Variants in TMEM128 observed in about 807,000 individuals in gnomAD.
The protein encoded by TMEM128 is transmembrane protein 128.
In TMEM128, 16 loss-of-function variants were observed where a neutral mutation model predicts 19.7. That is an observed-to-expected ratio of 0.81 (90% CI 0.55 to 1.23). The LOEUF is 1.23. TMEM128 is among the 50% of genes most tolerant of loss of function. The pLI, the probability that TMEM128 is intolerant of heterozygous loss-of-function variation, is 0.00. For synonymous variants in TMEM128, 98 were observed against 75.8 expected (o/e 1.29, Z -1.52); for missense variants, 237 against 200.8 (o/e 1.18, Z -1.09).
chr4:4,247,949 C>G, intron 1 of TMEM128, 157 bp downstream of exon 1: 1 of 1,435,924 alleles, frequency 7.0e-7, no homozygotes, highest in Non-Finnish European at 9.1e-7. Flanking sequence ...TGACGATGCA[C>G]AGCACTCCGC....
intron 2 of TMEM128, among the ~76,000 whole-genome samples, chr4:4,242,300 TG>T (rs77550663): frequency 0.31 from 46,255 of 150,906 alleles, 7,890 homozygotes; most frequent in East Asian, 0.46. Flanking sequence ...GCAATCTCAC[TG>T]GGGGGAGTAT....
intron 2 of TMEM128, among the ~76,000 whole-genome samples, chr4:4,244,001 C>A (rs1360735025): frequency 6.6e-6 from 1 of 152,196 alleles, no homozygotes; most frequent in African/African-American, 2.4e-5. Flanking sequence ...ATACCCTGCG[C>A]CTACACTTAC....
Position 4,246,321 on chromosome 4 carries a change from T to C in TMEM128, c.120A>G (p.Lys40=). The C allele has an allele frequency of 6.2e-7, 1 of 1,609,698 alleles. No individual in the cohort carries two copies. Among genetic ancestry groups the C allele is most frequent in the Non-Finnish European group, 8.5e-7 (1 of 1,178,828 alleles). ...AGPETSTAVE[K]KEKPLPRLNI... ...TAAGTCTTGGAAGAGGTTTCTCCTT[T>C]TTCTCAACAGCTGTGGAGGTTTCTG... The change falls in exon 2 of 5, where the codon AAA becomes AAG. Residue 40 remains lysine (K), a synonymous_variant. Transcript: ENST00000382753.
chr4:4,242,011 C>T (rs1424811094), intron 2 of TMEM128, among the ~76,000 whole-genome samples: 4 of 152,190 alleles, frequency 2.6e-5, no homozygotes, highest in African/African-American at 9.7e-5. Context: ...CACCAATTCT[C>T]CTGCCTCAGC....
chr4:4,247,736 A>T, intron 1 of TMEM128: 1 of 1,580,852 alleles, frequency 6.3e-7, no homozygotes, highest in Admixed American at 1.8e-5. Context: ...CTTTCTGCTG[A>T]CGGGCAAGGC....
intron 1 of TMEM128, among the ~76,000 whole-genome samples, chr4:4,246,909 G>A (rs1180276008): frequency 6.6e-6 from 1 of 151,918 alleles, no homozygotes; most frequent in Non-Finnish European, 1.5e-5. Context: ...CACCACGCCG[G>A]GCTAATTTTT....
rs561087002 is a variant in TMEM128 at position 4,248,143 on chromosome 4, G to A, written c.60C>T (p.Ala20=). 6.5e-7 allele frequency: 1 copy of A among 1,534,020 alleles called. No individual in the cohort carries two copies. The highest frequency in any genetic ancestry group is 1.2e-5 in the South Asian group (1 of 83,704). Residue 20 remains alanine, a synonymous_variant, in exon 1 of 5, where the codon GCC becomes GCT. Coordinates refer to ENST00000382753, the MANE Select transcript of TMEM128 (RefSeq NM_001297551.2). ...CACCCTCGCGGTCCAGCTGGGCCTC[G>A]GCGTCCGGCAGGAGGAGGAATCGCC... The part of the protein sequence containing the change: ...LRRRFLLLPD[A]EAQLDREGDA...
At position 4,248,212 on chromosome 4, in the gene TMEM128, GC is replaced by G; in HGVS notation, c.-11del. ...CCCGCGAGGAGTCCATCTTGGTACCGCCCCGAAATGCGACGGAAGTGACGTC... is the reference window on the plus strand; with the variant it reads ...CCCGCGAGGAGTCCATCTTGGTACCGCCCGAAATGCGACGGAAGTGACGTC... On this transcript the variant is annotated 5_prime_UTR_variant, in exon 1 of 5. Transcript: ENST00000382753. 1 of 1,492,466 alleles carries G rather than the reference GC, an allele frequency of 6.7e-7. No individual in the cohort carries two copies. The allele number at this position is 1,492,466 out of a possible 1,614,324, so 92.5% of individuals were successfully genotyped here.
rs1453011417 is a variant in TMEM128 at position 4,236,011 on chromosome 4, T to C, written c.*255A>G. 2.0e-5 allele frequency: 3 copies of C among 152,250 alleles called. No homozygotes were observed. The highest frequency in any genetic ancestry group is 4.8e-5 in the African/African-American group (2 of 41,474). 9.4% of individuals were successfully genotyped at this position (152,250 alleles called of 1,614,324 possible). ...TTTATTCTGGTTTCAACAACAGTTATACAAAGTCACAATTTTCCCCAGGAA... is the reference window on the plus strand; with the variant it reads ...TTTATTCTGGTTTCAACAACAGTTACACAAAGTCACAATTTTCCCCAGGAA... On this transcript the variant is annotated 3_prime_UTR_variant, in exon 5 of 5. Transcript: ENST00000382753.
At chr4:4,241,381 T>C (rs1043464238) in intron 2 of TMEM128, among the ~76,000 whole-genome samples, 2 of 152,204 alleles carry the variant, frequency 1.3e-5, no homozygotes, top group East Asian at 3.8e-4. Flanking sequence ...TGTGACCTGA[T>C]TCAGCAAGAG....
intron 4 of TMEM128, among the ~76,000 whole-genome samples, chr4:4,236,643 C>T (rs1210765494): frequency 1.3e-5 from 2 of 152,208 alleles, no homozygotes; most frequent in Non-Finnish European, 2.9e-5. Context: ...CAAGACACAG[C>T]AAGGTGCCTG....
intron 3 of TMEM128, among the ~76,000 whole-genome samples, chr4:4,238,825 G>A (rs1181114134): frequency 6.6e-6 from 1 of 152,158 alleles, no homozygotes; most frequent in Non-Finnish European, 1.5e-5. Context: ...TTGAGGCCAG[G>A]AGTTTGAGAC....
chr4:4,239,054 C>A (rs2108815543), intron 3 of TMEM128, among the ~76,000 whole-genome samples: 1 of 152,104 alleles, frequency 6.6e-6, no homozygotes, highest in East Asian at 1.9e-4. Flanking sequence ...AAAAAAAAAT[C>A]CAATTGATAT....
At chr4:4,243,266 T>TAG (rs1041382573) in intron 2 of TMEM128, among the ~76,000 whole-genome samples, 3 of 152,042 alleles carry the variant, frequency 2.0e-5, no homozygotes, top group African/African-American at 7.2e-5. Flanking sequence ...GTATTTTTAG[T>TAG]AGAGACGGGG....
intron 2 of TMEM128, among the ~76,000 whole-genome samples, chr4:4,244,457 G>A (rs1019297589): frequency 6.6e-6 from 1 of 152,160 alleles, no homozygotes; most frequent in Admixed American, 6.5e-5. Context: ...CTGGGTGACA[G>A]AGTGCAGCGA....
At chr4:4,244,894 GA>G (rs989200187) in intron 2 of TMEM128, among the ~76,000 whole-genome samples, 44 of 152,286 alleles carry the variant, frequency 2.9e-4, no homozygotes, top group South Asian at 6.2e-4. Context: ...CAGAAGATGG[GA>G]GTGTTTAGGG....
rs745391706 is a variant in TMEM128, at chr4:4,248,220, A to G, written c.-18T>C. 1.3e-6 allele frequency: 2 copies of G among 1,487,460 alleles called. No homozygotes were observed. Among genetic ancestry groups the G allele is most frequent in the South Asian group, 1.3e-5 (1 of 78,886 alleles). 92.1% of individuals were successfully genotyped at this position (1,487,460 alleles called of 1,614,324 possible). ...GAGTCCATCTTGGTACCGCCCCGAA[A>G]TGCGACGGAAGTGACGTCAGACACA... is the stretch of plus-strand genomic sequence containing the variant. On this transcript the variant is annotated 5_prime_UTR_variant, in exon 1 of 5. Transcript: ENST00000382753.
intron 2 of TMEM128, 93 bp downstream of exon 2, chr4:4,246,109 G>T: frequency 7.5e-7 from 1 of 1,325,160 alleles, no homozygotes; most frequent in Non-Finnish European, 1.0e-6. Context: ...GCAGAGAGTA[G>T]TAGGTGCTTA....
Position 4,248,165 on chromosome 4 carries a change from C to CGCCGCCGGAGCT in TMEM128, c.26_37dup (p.Gln9_Arg12dup). On this transcript the variant is annotated inframe_insertion, in exon 1 of 5. Transcript: ENST00000382753. The stretch of plus-strand genomic sequence containing the variant: ...CTCGGCGTCCGGCAGGAGGAGGAAT[C>CGCCGCCGGAGCT]GCCGCCGGAGCTGCTGCCGGGCCCG... The CGCCGCCGGAGCT allele has an allele frequency of 6.5e-7, 1 of 1,533,266 alleles. No individual in the cohort carries two copies. The highest frequency in any genetic ancestry group is 8.8e-7 in the Non-Finnish European group (1 of 1,141,166). The allele number at this position is 1,533,266 out of a possible 1,614,324, so 95.0% of individuals were successfully genotyped here. A position where few individuals can be genotyped will look rare whatever the true frequency, so the allele number is the denominator to read the frequency against.
Sources: allele counts gnomAD v4.1 joint callset (sites outside exome capture counted in the v4.1 genomes callset), GRCh38; gene constraint gnomAD v4.1.1; transcripts MANE v1.5; gene names NCBI Gene and HGNC (gene_info 2026-07-23, HGNC 2026-07-21).